Variants in RXFP1 observed in about 807,000 individuals in gnomAD.
RXFP1 encodes relaxin receptor 1.
In RXFP1, 73 loss-of-function variants were observed where a neutral mutation model predicts 89.8. The ratio of observed to expected loss-of-function variants is 0.81; its 90% CI spans 0.67 to 0.99. The LOEUF is 0.99. RXFP1 is among the 50% of genes least tolerant of loss of function. RXFP1 has a pLI of 0.00. For synonymous variants in RXFP1, 277 were observed against 305.5 expected (o/e 0.91, Z 0.97); for missense variants, 793 against 895.5 (o/e 0.89, Z 1.46).
rs774207970 is a variant in RXFP1 at position 158,572,797 on chromosome 4, T to C, written c.149T>C (p.Val50Ala). Reference sequence around the variant, plus strand: ...CCTCAGCTCCTGCACTGTAACGGTGTGGACGACTGCGGGAATCAGGCCGAT... The same window carrying C: ...CCTCAGCTCCTGCACTGTAACGGTGCGGACGACTGCGGGAATCAGGCCGAT... ...CLPQLLHCNG[V>A]DDCGNQADED... is the part of the protein sequence containing the mutation. Residue 50 changes from valine (V) to alanine (A), a missense_variant, in exon 2 of 18, where the codon GTG becomes GCG. By Grantham distance (64) the Val-to-Ala change is moderately conservative. Coordinates refer to ENST00000307765, the MANE Select transcript of RXFP1 (RefSeq NM_021634.4). The C allele has an allele frequency of 6.2e-7, 1 of 1,614,166 alleles. No homozygotes were observed. Among genetic ancestry groups the C allele is most frequent in the South Asian group, 1.1e-5 (1 of 91,068 alleles).
At chr4:158,568,404 A>C (rs1403491857) in intron 1 of RXFP1, among the ~76,000 whole-genome samples, 2 of 152,268 alleles carry the variant, frequency 1.3e-5, no homozygotes, top group Admixed American at 6.5e-5. Flanking sequence ...CTGCATGAAA[A>C]CACAGGCAGG....
intron 1 of RXFP1, among the ~76,000 whole-genome samples, chr4:158,556,912 A>C (rs1751428744): frequency 6.6e-6 from 1 of 152,202 alleles, no homozygotes. Context: ...TACAGAGTAG[A>C]ACAGTGGTGA....
intron 1 of RXFP1, among the ~76,000 whole-genome samples, chr4:158,560,309 G>A (rs936092): frequency 1.3e-5 from 2 of 152,138 alleles, no homozygotes; most frequent in African/African-American, 4.8e-5. Context: ...CAGCCCAACA[G>A]GGACCACTCA....
intron 1 of RXFP1, among the ~76,000 whole-genome samples, chr4:158,568,818 G>T (rs891263511): frequency 5.3e-5 from 8 of 152,130 alleles, no homozygotes; most frequent in Admixed American, 3.3e-4. Flanking sequence ...TTATTAAGAA[G>T]TCCCGCTATA....
At chr4:158,576,674 A>G (rs1483410249) in intron 2 of RXFP1, among the ~76,000 whole-genome samples, 1 of 152,032 alleles carries the variant, frequency 6.6e-6, no homozygotes, top group East Asian at 1.9e-4. Flanking sequence ...TTGCTCACAA[A>G]CTCCATTATT....
At chr4:158,541,385 G>A (rs930376269) in intron 1 of RXFP1, among the ~76,000 whole-genome samples, 9 of 21,266 alleles carry the variant, frequency 4.2e-4, no homozygotes, top group African/African-American at 1.0e-3. Flanking sequence ...CACACACAGT[G>A]TCCAGGGTAA....
At chr4:158,543,832 A>G (rs1485788862) in intron 1 of RXFP1, 1 of 985,232 alleles carries the variant, frequency 1.0e-6, no homozygotes, top group Non-Finnish European at 1.2e-6. Flanking sequence ...ACAGAAGAAA[A>G]CCTAAAATCC....
Position 158,637,067 on chromosome 4 carries a change from A to G in RXFP1, c.972-941A>G, listed in dbSNP as rs543820879. On this transcript the variant is annotated intron_variant, in intron 12 of 17. Coordinates refer to ENST00000307765, the MANE Select transcript of RXFP1 (RefSeq NM_021634.4). The stretch of plus-strand genomic sequence containing the variant: ...AGATTCATTCATGTTGTTGCAAATG[A>G]CAGGATTTTCTGTGTTTTTTAAGGC... 3.3e-5 allele frequency among the ~76,000 whole-genome samples: 5 copies of G among 152,298 alleles called. No individual in the cohort carries two copies. The South Asian group carries it at 1.0e-3, about 32-fold the overall frequency.
At chr4:158,555,225 G>T (rs1162398146) in intron 1 of RXFP1, among the ~76,000 whole-genome samples, 1 of 152,116 alleles carries the variant, frequency 6.6e-6, no homozygotes, top group Non-Finnish European at 1.5e-5. Flanking sequence ...TCAAAAATCT[G>T]TAAGAGAGTA....
chr4:158,551,539 A>G (rs1173071721), intron 1 of RXFP1, among the ~76,000 whole-genome samples: 1 of 99,110 alleles, frequency 1.0e-5, no homozygotes, highest in Admixed American at 1.1e-4. Context: ...TAAGATGATG[A>G]TTATGTTAAT....
At chr4:158,546,641 T>A (rs1748499327) in intron 1 of RXFP1, among the ~76,000 whole-genome samples, 1 of 152,210 alleles carries the variant, frequency 6.6e-6, no homozygotes, top group Non-Finnish European at 1.5e-5. Flanking sequence ...ACCTAATTTA[T>A]TGAGAGTTTT....
At chr4:158,525,231 G>T (rs1481648256) in intron 1 of RXFP1, among the ~76,000 whole-genome samples, 1 of 145,236 alleles carries the variant, frequency 6.9e-6, no homozygotes, top group African/African-American at 2.5e-5. Context: ...GGGGGGGGTT[G>T]GGTTTTTTTT....
chr4:158,591,508 C>A (rs527618036), intron 2 of RXFP1, among the ~76,000 whole-genome samples: 1 of 150,748 alleles, frequency 6.6e-6, no homozygotes, highest in Non-Finnish European at 1.5e-5. Flanking sequence ...CAGCACTTTT[C>A]GAGGCCAAAG....
intron 2 of RXFP1, among the ~76,000 whole-genome samples, chr4:158,586,335 G>A (rs1333081768): frequency 6.6e-6 from 1 of 152,114 alleles, no homozygotes; most frequent in African/African-American, 2.4e-5. Context: ...TTTATAGCAT[G>A]ACTATATCAT....
At position 158,601,201 on chromosome 4, in the gene RXFP1, C is replaced by T. The variant is rs114905931; in HGVS notation, c.392+1770C>T. Among the ~76,000 whole-genome samples, 738 of 152,004 alleles carry T rather than the reference C, an allele frequency of 4.9e-3. 6 individuals carry two copies. Among genetic ancestry groups the T allele is most frequent in the African/African-American group, 0.017 (701 of 41,458 alleles). ...ATGTGGGCAGAAAGCTGTGACCTAC[C>T]AGTTTTCAACCCCTGGTATAAACAA... is the stretch of plus-strand genomic sequence containing the variant. On this transcript the variant is annotated intron_variant, in intron 4 of 17. Coordinates refer to ENST00000307765, the MANE Select transcript of RXFP1 (RefSeq NM_021634.4).
Position 158,599,331 on chromosome 4 carries a change from G to T in RXFP1, c.292G>T (p.Gly98Cys), listed in dbSNP as rs375245856. The change falls in exon 4 of 18, where the codon GGT (glycine) becomes TGT (cysteine). Residue 98 changes from glycine to cysteine, a missense_variant. Physicochemically the swap from Gly to Cys is radical, Grantham distance 159 (BLOSUM62 -3). Coordinates refer to ENST00000307765, the MANE Select transcript of RXFP1 (RefSeq NM_021634.4). The stretch of plus-strand genomic sequence containing the variant: ...ACCACTTCCCCTTGATTCAGTGGTC[G>T]GTTCTGTGCCAGTGCAATGTCTTTG... The part of the protein sequence containing the change: ...FEAETPECLV[G>C]SVPVQCLCQG... 1.2e-6 allele frequency: 2 copies of T among 1,613,684 alleles called. No homozygotes were observed. The highest frequency in any genetic ancestry group is 1.7e-6 in the Non-Finnish European group (2 of 1,179,850).
rs766950426 is a variant in RXFP1, at chr4:158,644,889, A to T, written c.1116-20A>T. 3.0e-5 allele frequency: 46 copies of T among 1,522,764 alleles called. No homozygotes were observed. Among genetic ancestry groups the T allele is most frequent in the Non-Finnish European group, 4.2e-5 (46 of 1,101,244 alleles). 94.3% of individuals were successfully genotyped at this position (1,522,764 alleles called of 1,614,324 possible). A position where few individuals can be genotyped will look rare whatever the true frequency, so the allele number is the denominator to read the frequency against. On this transcript the variant is annotated intron_variant, in intron 14 of 17. Transcript: ENST00000307765. ...TGAATTAAATGGAAAATCTTATTTT[A>T]CTTTCTCTTTGTACACCAGATATTT...
chr4:158,594,215 C>A (rs1377125502), intron 3 of RXFP1, among the ~76,000 whole-genome samples: 2 of 152,202 alleles, frequency 1.3e-5, no homozygotes, highest in East Asian at 3.8e-4. Context: ...AGCCTCTATA[C>A]AGACTGTTCT....
chr4:158,541,890 G>A (rs1001761510), intron 1 of RXFP1, among the ~76,000 whole-genome samples: 3 of 151,030 alleles, frequency 2.0e-5, no homozygotes, highest in Admixed American at 6.6e-5. Context: ...TCCTTTATGC[G>A]GGGTGGCCGG....
Sources: allele counts gnomAD v4.1 joint callset (sites outside exome capture counted in the v4.1 genomes callset), GRCh38; gene constraint gnomAD v4.1.1; transcripts MANE v1.5; gene names NCBI Gene and HGNC (gene_info 2026-07-23, HGNC 2026-07-21).